The following MYO19 variants were observed in gnomAD, a reference collection of about 807,000 sequenced individuals.
MYO19 encodes unconventional myosin-XIX.
In MYO19, 132 loss-of-function variants were observed where a neutral mutation model predicts 129.2. The ratio of observed to expected loss-of-function variants is 1.02; its 90% confidence interval spans 0.89 to 1.18. The LOEUF (loss-of-function observed/expected upper bound fraction) is 1.18, where lower values mean the gene tolerates loss of function less well. Ranked by LOEUF, MYO19 falls within the 50% of genes most tolerant of loss-of-function variation. The probability of loss-of-function intolerance (pLI) is 0.00; values close to 1 mark genes in which losing one functional copy is unlikely to be tolerated. For synonymous variants in MYO19, 531 were observed against 477.2 expected (o/e 1.11, Z -1.47); for missense variants, 1,210 against 1,216.7 (o/e 0.99, Z 0.08).
At chr17:36,515,278 C>A in intron 7 of MYO19, 96 bp from the exon 8 acceptor site, 1 of 1,074,458 alleles carries the variant, frequency 9.3e-7, no homozygotes, top group South Asian at 1.6e-5. Context: ...TGTTCCCGTG[C>A]TCAAGTCACC....
At chr17:36,497,181 A>C (rs1322078487) in intron 25 of MYO19, among the ~76,000 whole-genome samples, 2 of 151,630 alleles carry the variant, frequency 1.3e-5, no homozygotes, top group African/African-American at 4.8e-5. Flanking sequence ...AATACAAAAA[A>C]AAAAATATAG....
At chr17:36,505,464 G>A (rs2242308) in intron 18 of MYO19, 60 bp from the exon 19 acceptor site, 128,632 of 1,301,202 alleles carry the variant, frequency 0.099, 8,058 homozygotes, top group East Asian at 0.26. Context: ...CCATCAACTG[G>A]GCTCTGGTTA....
chr17:36,525,139 A>G, intron 6 of MYO19, 89 bp downstream of exon 6: 1 of 954,390 alleles, frequency 1.0e-6, no homozygotes, highest in African/African-American at 1.6e-5. Context: ...GAAGCAAACA[A>G]CTCCACAAGG....
intron 21 of MYO19, chr17:36,501,633 A>G (rs2071538909): frequency 5.7e-6 from 1 of 174,646 alleles, no homozygotes; most frequent in African/African-American, 2.4e-5. Context: ...CAAATAGGGC[A>G]GCTATAGGCC....
At chr17:36,514,316 TA>T (rs2072584629) in intron 9 of MYO19, 129 bp downstream of exon 9, 1 of 686,470 alleles carries the variant, frequency 1.5e-6, no homozygotes, top group Non-Finnish European at 2.6e-6. Context: ...GTCTGCAGGA[TA>T]AAGTGGTGGC....
At chr17:36,510,710 G>A (rs753461457) in intron 13 of MYO19, 36 bp downstream of exon 13, 5 of 1,554,204 alleles carry the variant, frequency 3.2e-6, no homozygotes, top group Non-Finnish European at 4.4e-6. Flanking sequence ...CACTTGTCGG[G>A]GTCCTCCCCA....
At chr17:36,501,418 G>A (rs565046092) in intron 21 of MYO19, 183 bp from the exon 22 acceptor site, 17 of 630,822 alleles carry the variant, frequency 2.7e-5, no homozygotes, top group Middle Eastern at 4.2e-4. Context: ...TTGTCCCTCA[G>A]GGTGCTAGCT....
At chr17:36,536,431 T>C (rs185054642), upstream of MYO19, among the ~76,000 whole-genome samples, 313 of 152,332 alleles carry the variant, frequency 2.1e-3, no homozygotes, top group African/African-American at 7.2e-3. Context: ...TGATACGTAC[T>C]GTGCTCCATA....
intron 24 of MYO19, 116 bp downstream of exon 24, chr17:36,498,959 A>G (rs1460268233): frequency 1.3e-6 from 1 of 790,396 alleles, no homozygotes; most frequent in Non-Finnish European, 2.1e-6. Context: ...CAGAGAGGCT[A>G]AACAACCTGC....
At chr17:36,511,849 T>C (rs1046426223) in intron 11 of MYO19, among the ~76,000 whole-genome samples, 1 of 152,202 alleles carries the variant, frequency 6.6e-6, no homozygotes, top group African/African-American at 2.4e-5. Flanking sequence ...GGGCTGCTTC[T>C]GTGTGCCTGC....
At chr17:36,510,044 G>A (rs1417732302) in intron 13 of MYO19, 3 of 152,284 alleles carry the variant, frequency 2.0e-5, no homozygotes, top group Non-Finnish European at 4.4e-5. Flanking sequence ...TCTTTGTGGA[G>A]TTTATGAAAG....
intron 15 of MYO19, 124 bp downstream of exon 15, chr17:36,507,679 C>A (rs1237111414): frequency 2.3e-6 from 3 of 1,292,098 alleles, no homozygotes; most frequent in East Asian, 5.1e-5. Context: ...TATTATTTGT[C>A]AATTAAAAAT....
rs7217346 is a variant in MYO19, at chr17:36,507,443, G to T, written c.1423C>A (p.Leu475Ile). ...ATGCTGATGGGGCTTCCCTCAATGA[G>T]ATCCAAACAGGGCTGGTTGTCCTGG... The part of the protein sequence containing the change: ...NYQDNQPCLD[L>I]IEGSPISICS... The change falls in exon 16 of 26, where the codon CTC becomes ATC. Residue 475 changes from leucine to isoleucine, a missense_variant. Coordinates refer to ENST00000614623, the MANE Select transcript of MYO19 (RefSeq NM_001163735.2). The T allele has an allele frequency of 5.0e-6, 8 of 1,613,590 alleles. No individual in the cohort carries two copies. In the African/African-American group the frequency reaches 5.3e-5, roughly 11 times the overall value.
At chr17:36,514,621 C>T in intron 8 of MYO19, 73 bp from the exon 9 acceptor site, 1 of 1,019,098 alleles carries the variant, frequency 9.8e-7, no homozygotes, top group Non-Finnish European at 1.5e-6. Context: ...TCTGGGTGTG[C>T]CAGATTGCCT....
At position 36,496,279 on chromosome 17, in the gene MYO19, G is replaced by A; in HGVS notation, c.2885C>T (p.Thr962Ile). The change falls in exon 26 of 26, where the codon ACC becomes ATC. Residue 962 changes from threonine to isoleucine, a missense_variant. Transcript: ENST00000614623. ...CCCCAGCCCAGTGAAGGCAGAAGAG[G>A]TCACGTGGATCAGCCTGTGTCTTTC... Reference protein sequence around the residue: ...LLERHRLIHVTSSAFTGLG With the variant: ...LLERHRLIHVISSAFTGLG 2 of 1,614,030 alleles carry A rather than the reference G, an allele frequency of 1.2e-6. No individual in the cohort carries two copies. The highest frequency in any genetic ancestry group is 8.5e-7 in the Non-Finnish European group (1 of 1,179,902).
At chr17:36,531,551 T>C (rs1007473841) in intron 3 of MYO19, among the ~76,000 whole-genome samples, 1 of 152,134 alleles carries the variant, frequency 6.6e-6, no homozygotes, top group African/African-American at 2.4e-5. Flanking sequence ...TATATTTTTG[T>C]GTAACTTGCT....
chr17:36,534,725 G>C (rs2074031300), intron 1 of MYO19, 36 bp downstream of exon 1: 1 of 152,252 alleles, frequency 6.6e-6, no homozygotes, highest in African/African-American at 2.4e-5. Context: ...TTCCGCGTCT[G>C]AAGGGCTTCA....
intron 3 of MYO19, 29 bp downstream of exon 3, chr17:36,532,498 G>T: frequency 6.4e-7 from 1 of 1,553,616 alleles, no homozygotes. Context: ...GTGCTTGAGG[G>T]CCTGGGTTAT....
chr17:36,520,005 T>A (rs28696076), intron 6 of MYO19, among the ~76,000 whole-genome samples: 2 of 151,478 alleles, frequency 1.3e-5, no homozygotes, highest in African/African-American at 4.9e-5. Flanking sequence ...ATACTTTTTT[T>A]CCTTTTTTTT....
Sources: allele counts gnomAD v4.1 joint callset (sites outside exome capture counted in the v4.1 genomes callset), GRCh38; gene constraint gnomAD v4.1.1; transcripts MANE v1.5; gene names NCBI Gene and HGNC (gene_info 2026-07-23, HGNC 2026-07-21).